TTC21B: variants seen among roughly 807,000 people sequenced by gnomAD.
TTC21B encodes tetratricopeptide repeat protein 21B.
Under a neutral mutation model 175.1 loss-of-function variants are expected in TTC21B, and 127 were observed. The ratio of observed to expected loss-of-function variants is 0.73; its 90% CI spans 0.63 to 0.84. The LOEUF (loss-of-function observed/expected upper bound fraction) is 0.84. Ranked by LOEUF, TTC21B falls within the 40% of genes least tolerant of loss-of-function variation. TTC21B has a pLI of 0.00. For synonymous variants in TTC21B, 524 were observed against 524.5 expected (o/e 1.00, Z 0.01); for missense variants, 1,561 against 1,558.3 (o/e 1.00, Z -0.03).
chr2:165,951,089 C>T (rs1267131793), intron 1 of TTC21B, among the ~76,000 whole-genome samples: 1 of 152,196 alleles, frequency 6.6e-6, no homozygotes, highest in Non-Finnish European at 1.5e-5. Flanking sequence ...CTCCAGACCC[C>T]CACAACACAT....
intron 12 of TTC21B, among the ~76,000 whole-genome samples, chr2:165,922,263 T>C (rs947200045): frequency 6.6e-6 from 1 of 152,274 alleles, no homozygotes; most frequent in East Asian, 1.9e-4. Flanking sequence ...GTGTCACTTC[T>C]TACAATTGAA....
At chr2:165,918,804 T>A (rs1210439494) in intron 13 of TTC21B, among the ~76,000 whole-genome samples, 2 of 152,212 alleles carry the variant, frequency 1.3e-5, no homozygotes, top group East Asian at 3.9e-4. Context: ...TGTGTTTTTA[T>A]ATCCTCAAAC....
intron 28 of TTC21B, among the ~76,000 whole-genome samples, 182 bp from the exon 29 acceptor site, chr2:165,875,014 T>C (rs1006804560): frequency 2.6e-5 from 4 of 152,172 alleles, no homozygotes; most frequent in African/African-American, 4.8e-5. Flanking sequence ...ATATTAATGG[T>C]AGTTAGATGA....
At chr2:165,940,028 G>A (rs1687305628) in intron 6 of TTC21B, among the ~76,000 whole-genome samples, 1 of 152,160 alleles carries the variant, frequency 6.6e-6, no homozygotes, top group Non-Finnish European at 1.5e-5. Flanking sequence ...CTATGAGCCA[G>A]GCATTCTGAA....
chr2:165,923,905 C>T (rs1184012889), intron 12 of TTC21B, among the ~76,000 whole-genome samples: 1 of 147,608 alleles, frequency 6.8e-6, no homozygotes, highest in African/African-American at 2.4e-5. Flanking sequence ...GCACATGCCA[C>T]CAAGCCCAGC....
At chr2:165,930,954 T>A (rs1322527960) in intron 8 of TTC21B, among the ~76,000 whole-genome samples, 1 of 152,076 alleles carries the variant, frequency 6.6e-6, no homozygotes, top group African/African-American at 2.4e-5. Context: ...CAACAAACTT[T>A]AAGAGTAAAA....
intron 1 of TTC21B, among the ~76,000 whole-genome samples, chr2:165,950,998 T>C (rs540242410): frequency 6.6e-6 from 1 of 152,324 alleles, no homozygotes; most frequent in African/African-American, 2.4e-5. Context: ...TCTGTAATTT[T>C]ACTCTGCCTC....
At chr2:165,920,460 T>A (rs1409542171) in intron 12 of TTC21B, among the ~76,000 whole-genome samples, 1 of 152,180 alleles carries the variant, frequency 6.6e-6, no homozygotes, top group African/African-American at 2.4e-5. Flanking sequence ...TCAAGCATAA[T>A]TAACAAGGTT....
intron 27 of TTC21B, 78 bp from the exon 28 acceptor site, chr2:165,876,310 G>T: frequency 1.1e-6 from 1 of 899,798 alleles, no homozygotes; most frequent in Non-Finnish European, 1.9e-6. Flanking sequence ...TCCTCTCTTT[G>T]CTTACTCACT....
chr2:165,891,418 T>A (rs985047368), intron 22 of TTC21B, among the ~76,000 whole-genome samples: 1 of 152,154 alleles, frequency 6.6e-6, no homozygotes, highest in Non-Finnish European at 1.5e-5. Context: ...AACAGTACAA[T>A]TGACAAATAA....
intron 6 of TTC21B, among the ~76,000 whole-genome samples, chr2:165,934,500 C>CAAAAA (rs369089707): frequency 0.011 from 793 of 70,570 alleles, no homozygotes; most frequent in Non-Finnish European, 0.013. Context: ...GACTCTGTCT[C>CAAAAA]AAAAAAAAAA....
intron 20 of TTC21B, among the ~76,000 whole-genome samples, chr2:165,900,315 AGG>A (rs1574081080): frequency 6.6e-6 from 1 of 152,172 alleles, no homozygotes; most frequent in Non-Finnish European, 1.5e-5. Flanking sequence ...CCACTGAAAA[AGG>A]TATCTGTTTG....
At chr2:165,942,356 G>C (rs911040156) in intron 5 of TTC21B, among the ~76,000 whole-genome samples, 2 of 152,110 alleles carry the variant, frequency 1.3e-5, no homozygotes, top group East Asian at 3.9e-4. Context: ...TTGAAGAAAG[G>C]GTCCTACTTA....
chr2:165,945,639 C>A lies in TTC21B; in HGVS notation c.314G>T (p.Gly105Val), dbSNP rs777506886. 6.2e-7 allele frequency: 1 copy of A among 1,613,736 alleles called. No homozygotes were observed. Among genetic ancestry groups the A allele is most frequent in the Non-Finnish European group, 8.5e-7 (1 of 1,179,932 alleles). Reference protein sequence around the residue: ...SDARVKEQRKGAGEKALYHAG... With the variant: ...SDARVKEQRKVAGEKALYHAG... ...ATGGTATAAGGCTTTCTCTCCAGCT[C>A]CTTTACGTTGTTCCTTCACTCTGGC... is the stretch of plus-strand genomic sequence containing the variant. Residue 105 changes from glycine to valine, a missense_variant, in exon 4 of 29, where the codon GGA becomes GTA. By Grantham distance (109) the Gly-to-Val change is moderately radical (BLOSUM62 -3). Transcript: ENST00000243344.
intron 12 of TTC21B, among the ~76,000 whole-genome samples, chr2:165,923,743 GTTTTTTTT>G (rs1190876494): frequency 9.3e-6 from 1 of 107,308 alleles, no homozygotes; most frequent in Non-Finnish European, 1.8e-5. Context: ...CGCCCAGCTG[GTTTTTTTT>G]TTTTTTTTTT....
At position 165,883,888 on chromosome 2, in the gene TTC21B, T is replaced by C; in HGVS notation, c.3590A>G (p.Glu1197Gly). The change falls in exon 26 of 29, where the codon GAG becomes GGG. Residue 1197 changes from glutamate to glycine, a missense_variant. Glu to Gly is a moderately conservative substitution (Grantham distance 98). Coordinates refer to ENST00000243344, the MANE Select transcript of TTC21B (RefSeq NM_024753.5). ...ATCAGCAAGTAGCAGCCAACTCTTC[T>C]CAAACTCTTCAGCATCAATAGCATT... ...NWNAIDAEEF[E>G]KSWLLLADIY... 5 of 1,614,122 alleles carry C rather than the reference T, an allele frequency of 3.1e-6. No individual in the cohort carries two copies. Among genetic ancestry groups the C allele is most frequent in the Non-Finnish European group, 4.2e-6 (5 of 1,179,992 alleles).
chr2:165,901,728 A>G lies in TTC21B; in HGVS notation c.2751T>C (p.Asp917=). The G allele has an allele frequency of 6.2e-7, 1 of 1,613,432 alleles. No individual in the cohort carries two copies. Among genetic ancestry groups the G allele is most frequent in the Non-Finnish European group, 8.5e-7 (1 of 1,179,332 alleles). ...ATTTTATAAAGGTACTGACCTTATT[A>G]TCTGTTTCGCAGTGAACCAGAGCCT... is the stretch of plus-strand genomic sequence containing the variant. The part of the protein sequence containing the change: ...YREALVHCET[D]NKIMLELARL... Residue 917 remains aspartate (D), a synonymous_variant, in exon 20 of 29, where the codon GAT becomes GAC. Coordinates refer to ENST00000243344, the MANE Select transcript of TTC21B (RefSeq NM_024753.5).
intron 6 of TTC21B, among the ~76,000 whole-genome samples, chr2:165,933,434 CTAA>C (rs1686986486): frequency 6.6e-6 from 1 of 152,016 alleles, no homozygotes; most frequent in Admixed American, 6.6e-5. Flanking sequence ...ACAATACCTA[CTAA>C]TGTTATTCAC....
intron 6 of TTC21B, among the ~76,000 whole-genome samples, chr2:165,939,471 G>A (rs1687286375): frequency 6.6e-6 from 1 of 152,078 alleles, no homozygotes. Context: ...AGGTATATTT[G>A]TATTACCTAT....
Sources: gnomAD v4.1 joint callset for allele counts (sites outside exome capture counted in the v4.1 genomes callset) on GRCh38, gnomAD v4.1.1 for gene constraint, MANE v1.5 for transcripts, NCBI Gene and HGNC (gene_info 2026-07-23, HGNC 2026-07-21) for gene names.